Variants in DMRT1 observed in about 807,000 individuals in gnomAD.
DMRT1 encodes the protein doublesex and mab-3 related transcription factor 1.
In DMRT1, 7 loss-of-function variants were observed where a neutral mutation model predicts 32.3. That is an observed-to-expected ratio of 0.22 (90% confidence interval 0.12 to 0.41). The LOEUF (loss-of-function observed/expected upper bound fraction) is 0.41, where lower values mean the gene tolerates loss of function less well. DMRT1 is among the 10% of genes least tolerant of loss of function. The probability of loss-of-function intolerance (pLI) is 1.00; values close to 1 mark genes in which losing one functional copy is unlikely to be tolerated. For missense variants in DMRT1, 625 were observed against 500.5 expected (o/e 1.25, Z -2.37); for synonymous variants, 278 against 206.1 (o/e 1.35, Z -2.99).
At chr9:954,797 A>T (rs970081720) in intron 4 of DMRT1, among the ~76,000 whole-genome samples, 1 of 151,746 alleles carries the variant, frequency 6.6e-6, no homozygotes, top group Non-Finnish European at 1.5e-5. Flanking sequence ...GCGTGCCACC[A>T]CGCCCAGATA....
chr9:846,041 T>C (rs933281459), intron 1 of DMRT1, among the ~76,000 whole-genome samples: 6 of 151,674 alleles, frequency 4.0e-5, no homozygotes, highest in African/African-American at 1.5e-4. Flanking sequence ...CTTTTTTTTT[T>C]TTTTTTTGGA....
chr9:851,562 G>A (rs1054685028), intron 2 of DMRT1, among the ~76,000 whole-genome samples: 1 of 152,094 alleles, frequency 6.6e-6, no homozygotes. Flanking sequence ...AGTCCTTGAA[G>A]TTTCTTAGTT....
Position 967,689 on chromosome 9 carries a change from C to T in DMRT1, c.968-296C>T, listed in dbSNP as rs1446429016. On this transcript the variant is annotated intron_variant, in intron 4 of 4. Transcript: ENST00000382276. Reference sequence around the variant, plus strand: ...CCGGTGAAGGGTGGAAATAGTTTCCCAAAGAGGATGCAGCCGACTTGTTTT... The same window carrying T: ...CCGGTGAAGGGTGGAAATAGTTTCCTAAAGAGGATGCAGCCGACTTGTTTT... 2.0e-5 allele frequency among the ~76,000 whole-genome samples: 3 copies of T among 152,092 alleles called. No individual in the cohort carries two copies. In the East Asian group the frequency reaches 5.8e-4, roughly 29 times the overall value.
At chr9:952,759 C>A (rs767321634) in intron 4 of DMRT1, among the ~76,000 whole-genome samples, 3 of 152,176 alleles carry the variant, frequency 2.0e-5, no homozygotes, top group Non-Finnish European at 2.9e-5. Flanking sequence ...AATACCTGAT[C>A]TACTTGGAAT....
intron 2 of DMRT1, among the ~76,000 whole-genome samples, chr9:850,783 C>G (rs1188327414): frequency 1.3e-5 from 2 of 152,050 alleles, no homozygotes; most frequent in Non-Finnish European, 2.9e-5. Context: ...AATCCCAGCA[C>G]TTTGGGAGGC....
At chr9:921,151 A>AC (rs571756109) in intron 4 of DMRT1, among the ~76,000 whole-genome samples, 12 of 151,204 alleles carry the variant, frequency 7.9e-5, no homozygotes, top group Non-Finnish European at 1.2e-4. Context: ...CCAAAAGGAA[A>AC]CCCCCCATCC....
rs764907244 is a variant in DMRT1, at chr9:841,925, G to C, written c.87G>C (p.Gly29=). The C allele has an allele frequency of 6.2e-7, 1 of 1,606,932 alleles. No individual in the cohort carries two copies. Among genetic ancestry groups the C allele is most frequent in the Non-Finnish European group, 8.5e-7 (1 of 1,176,802 alleles). The part of the protein sequence containing the change: ...APGVPPQGRA[G]GFGKASGALV... ...GGGTACCGCCGCAGGGCAGAGCCGG[G>C]GGCTTTGGCAAAGCGTCTGGGGCGC... The change falls in exon 1 of 5, where the codon GGG becomes GGC. Residue 29 remains glycine (G), a synonymous_variant. Transcript: ENST00000382276.
intron 2 of DMRT1, among the ~76,000 whole-genome samples, chr9:864,512 T>TTC (rs1432264480): frequency 4.8e-5 from 7 of 144,334 alleles, no homozygotes; most frequent in African/African-American, 1.8e-4. Flanking sequence ...TTTTTTTTTT[T>TTC]TTTTGAGACG....
intron 2 of DMRT1, among the ~76,000 whole-genome samples, chr9:872,289 C>T (rs1364430836): frequency 6.6e-6 from 1 of 152,048 alleles, no homozygotes; most frequent in Non-Finnish European, 1.5e-5. Flanking sequence ...TCTCGAACTC[C>T]TGACCTTGTG....
intron 4 of DMRT1, among the ~76,000 whole-genome samples, chr9:938,092 T>G (rs1238283935): frequency 1.3e-5 from 2 of 152,214 alleles, no homozygotes; most frequent in Admixed American, 1.3e-4. Flanking sequence ...CATTGTTTAT[T>G]GAAAAGACTC....
intron 2 of DMRT1, among the ~76,000 whole-genome samples, chr9:873,146 T>A (rs1816345251): frequency 6.6e-6 from 1 of 152,248 alleles, no homozygotes; most frequent in African/African-American, 2.4e-5. Context: ...TGGTTCTGAT[T>A]TGCAGTTTGC....
intron 2 of DMRT1, among the ~76,000 whole-genome samples, chr9:848,998 G>T (rs1282159282): frequency 6.6e-6 from 1 of 150,570 alleles, no homozygotes; most frequent in Non-Finnish European, 1.5e-5. Flanking sequence ...GGGCTGAGAT[G>T]AGAAATGGGA....
At chr9:856,213 G>T (rs573734514) in intron 2 of DMRT1, among the ~76,000 whole-genome samples, 1 of 152,116 alleles carries the variant, frequency 6.6e-6, no homozygotes, top group Non-Finnish European at 1.5e-5. Context: ...CACCGCGCCC[G>T]GTGACCTCTG....
At chr9:880,481 C>T (rs954856133) in intron 2 of DMRT1, among the ~76,000 whole-genome samples, 1 of 152,010 alleles carries the variant, frequency 6.6e-6, no homozygotes, top group African/African-American at 2.4e-5. Flanking sequence ...AATCCCAGCA[C>T]TTTGGGAGGC....
At chr9:856,169 G>C (rs1181637495) in intron 2 of DMRT1, among the ~76,000 whole-genome samples, 1 of 152,014 alleles carries the variant, frequency 6.6e-6, no homozygotes, top group Non-Finnish European at 1.5e-5. Flanking sequence ...CACCCGCCTC[G>C]GCCTCCCAAA....
Position 841,829 on chromosome 9 carries a change from T to A in DMRT1, c.-10T>A. ...GGGGCCAGAGTGCTCGCACTTCTCC[T>A]AGGGGCACCATGCCCAACGACGAGG... On this transcript the variant is annotated 5_prime_UTR_variant, in exon 1 of 5. Coordinates refer to ENST00000382276, the MANE Select transcript of DMRT1 (RefSeq NM_021951.3). 6.2e-7 allele frequency: 1 copy of A among 1,607,312 alleles called. No homozygotes were observed. The highest frequency in any genetic ancestry group is 8.5e-7 in the Non-Finnish European group (1 of 1,177,354).
intron 1 of DMRT1, chr9:842,482 C>A: frequency 5.0e-6 from 2 of 403,772 alleles, no homozygotes; most frequent in East Asian, 1.0e-4. Context: ...GTGATCCACC[C>A]GCCTCGGCCT....
chr9:858,235 C>A (rs1319540478), intron 2 of DMRT1, among the ~76,000 whole-genome samples: 1 of 152,146 alleles, frequency 6.6e-6, no homozygotes, highest in African/African-American at 2.4e-5. Flanking sequence ...TTCACAAAGA[C>A]TTTCAGACCT....
At chr9:944,081 C>T (rs1326189668) in intron 4 of DMRT1, among the ~76,000 whole-genome samples, 1 of 152,146 alleles carries the variant, frequency 6.6e-6, no homozygotes, top group African/African-American at 2.4e-5. Context: ...CCTCTCTAAA[C>T]CTTAGTTTTC....
Sources: allele counts gnomAD v4.1 joint callset (sites outside exome capture counted in the v4.1 genomes callset), GRCh38; gene constraint gnomAD v4.1.1; transcripts MANE v1.5; gene names NCBI Gene and HGNC (gene_info 2026-07-23, HGNC 2026-07-21).